Variants in SUSD3 observed in about 807,000 individuals in gnomAD.
SUSD3 encodes the protein sushi domain containing 3, also known as sushi domain-containing protein 3.
Under a neutral mutation model 20.6 loss-of-function variants are expected in SUSD3, and 18 were observed. The ratio of observed to expected loss-of-function variants is 0.87; its 90% CI spans 0.60 to 1.30. The LOEUF (loss-of-function observed/expected upper bound fraction) is 1.30, where lower values mean the gene tolerates loss of function less well. Ranked by LOEUF, SUSD3 falls within the 50% of genes most tolerant of loss-of-function variation. The pLI is 0.00. For missense variants in SUSD3, 306 were observed against 346.9 expected, an observed-to-expected ratio of 0.88 and a Z score of 0.94; for synonymous variants, 137 against 141.5, an observed-to-expected ratio of 0.97 and a Z score of 0.23.
At chr9:93,064,015 G>T (rs189447661) in intron 1 of SUSD3, among the ~76,000 whole-genome samples, 1 of 152,016 alleles carries the variant, frequency 6.6e-6, no homozygotes, top group East Asian at 1.9e-4. Flanking sequence ...GTGTTACCTC[G>T]CTGGCTGGTC....
chr9:93,063,272 C>A (rs893354846), intron 1 of SUSD3, among the ~76,000 whole-genome samples: 1 of 152,186 alleles, frequency 6.6e-6, no homozygotes, highest in Non-Finnish European at 1.5e-5. Context: ...GGGCTCATGT[C>A]CTGGGCTGCT....
In SUSD3 at chr9:93,075,932, G is replaced by A. The variant is rs751061029; in HGVS notation, c.237G>A (p.Gly79=). 5 of 1,612,544 alleles carry A rather than the reference G, an allele frequency of 3.1e-6. No homozygotes were observed. The Admixed American group carries it at 6.7e-5, about 22-fold the overall frequency. Residue 79 remains glycine (G), a synonymous_variant, in exon 2 of 5, where the codon GGG becomes GGA. Coordinates refer to ENST00000375472, the MANE Select transcript of SUSD3 (RefSeq NM_145006.4). The part of the protein sequence containing the change: ...GSGLLTCTWK[G]SIAEWSSGSP... The stretch of plus-strand genomic sequence containing the variant: ...GGCTCCTCACCTGCACCTGGAAGGG[G>A]AGCATCGCTGAGTGGTCTTCAGGGT...
chr9:93,060,803 C>T (rs1825474750), intron 1 of SUSD3, among the ~76,000 whole-genome samples: 1 of 152,200 alleles, frequency 6.6e-6, no homozygotes, highest in South Asian at 2.1e-4. Flanking sequence ...CCTCACTGCA[C>T]TCCACCCTGG....
chr9:93,084,411 T>C (rs1389194111), intron 4 of SUSD3, 126 bp from the exon 5 acceptor site: 1 of 806,558 alleles, frequency 1.2e-6, no homozygotes, highest in Non-Finnish European at 1.9e-6. Context: ...GGAAACGGGC[T>C]CCCCAGTGCT....
chr9:93,074,958 G>T (rs1286081547), intron 1 of SUSD3, among the ~76,000 whole-genome samples: 1 of 152,124 alleles, frequency 6.6e-6, no homozygotes, highest in African/African-American at 2.4e-5. Flanking sequence ...GCAACATAGG[G>T]TGCTTATTGC....
chr9:93,077,960 G>A lies in SUSD3; in HGVS notation c.392G>A (p.Cys131Tyr). The change falls in exon 3 of 5, where the codon TGC (cysteine) becomes TAC (tyrosine). Residue 131 changes from cysteine (C) to tyrosine (Y), a missense_variant. Physicochemically the swap from Cys to Tyr is radical, Grantham distance 194 (BLOSUM62 -2). Coordinates refer to ENST00000375472, the MANE Select transcript of SUSD3 (RefSeq NM_145006.4). ...TTCCTCACCTGCTGCCTCCTCAAGTGCGTGAAGAAGAGCAAGCGGCGGCGC... is the reference window on the plus strand; with the variant it reads ...TTCCTCACCTGCTGCCTCCTCAAGTACGTGAAGAAGAGCAAGCGGCGGCGC... Reference protein sequence around the residue: ...MAFLTCCLLKCVKKSKRRRSN... With the variant: ...MAFLTCCLLKYVKKSKRRRSN... The A allele has an allele frequency of 1.2e-6, 2 of 1,614,234 alleles. No homozygotes were observed. The highest frequency in any genetic ancestry group is 1.7e-6 in the Non-Finnish European group (2 of 1,180,046).
chr9:93,071,247 A>G (rs1397078199), intron 1 of SUSD3, among the ~76,000 whole-genome samples: 2 of 152,248 alleles, frequency 1.3e-5, no homozygotes, highest in East Asian at 1.9e-4. Flanking sequence ...AAGTCCCACA[A>G]TAGGCTGCCT....
intron 1 of SUSD3, among the ~76,000 whole-genome samples, chr9:93,072,334 C>T (rs761847341): frequency 6.6e-6 from 1 of 152,204 alleles, no homozygotes; most frequent in Non-Finnish European, 1.5e-5. Flanking sequence ...CTGGGGTCCT[C>T]AGTCATGCAG....
At chr9:93,062,694 G>C (rs897325964) in intron 1 of SUSD3, among the ~76,000 whole-genome samples, 1 of 152,162 alleles carries the variant, frequency 6.6e-6, no homozygotes, top group African/African-American at 2.4e-5. Context: ...GAGGGGCTCA[G>C]GAGGTCAGTG....
chr9:93,069,900 C>G (rs1480276655), intron 1 of SUSD3, among the ~76,000 whole-genome samples: 1 of 152,072 alleles, frequency 6.6e-6, no homozygotes, highest in Admixed American at 6.5e-5. Flanking sequence ...CTGCCTCAGC[C>G]TCCCAAGTAG....
chr9:93,064,412 C>T (rs1825630152), intron 1 of SUSD3, among the ~76,000 whole-genome samples: 1 of 152,152 alleles, frequency 6.6e-6, no homozygotes, highest in African/African-American at 2.4e-5. Flanking sequence ...TCTGGGGATG[C>T]TGGGAAGGGG....
chr9:93,084,676 A>G lies in SUSD3; in HGVS notation c.697A>G (p.Arg233Gly). Reference protein sequence around the residue: ...AQVMVHMANPRQPLPASGLAT... With the variant: ...AQVMVHMANPGQPLPASGLAT... ...GGTGATGGTGCACATGGCAAACCCC[A>G]GACAGCCCCTGCCTGCCTCTGGGCT... Residue 233 changes from arginine to glycine, a missense_variant, in exon 5 of 5, where the codon AGA becomes GGA. Arg to Gly is a moderately radical substitution (Grantham distance 125). Transcript: ENST00000375472. 1 of 1,606,134 alleles carries G rather than the reference A, an allele frequency of 6.2e-7. No individual in the cohort carries two copies.
At chr9:93,075,756 C>A in intron 1 of SUSD3, 28 bp from the exon 2 acceptor site, 4 of 539,978 alleles carry the variant, frequency 7.4e-6, no homozygotes, top group Non-Finnish European at 9.0e-6. Flanking sequence ...CCCCCCCCGC[C>A]ATGCCTCATA....
At chr9:93,071,193 A>T (rs1184237510) in intron 1 of SUSD3, among the ~76,000 whole-genome samples, 1 of 152,182 alleles carries the variant, frequency 6.6e-6, no homozygotes, top group Non-Finnish European at 1.5e-5. Flanking sequence ...GTATATATAA[A>T]GGGGAGTTTA....
chr9:93,069,833 G>A (rs374708126), intron 1 of SUSD3, among the ~76,000 whole-genome samples: 1 of 151,400 alleles, frequency 6.6e-6, no homozygotes, highest in Admixed American at 6.6e-5. Context: ...AGGCTGGAGT[G>A]CAGTGGTACG....
intron 1 of SUSD3, among the ~76,000 whole-genome samples, chr9:93,072,167 C>A (rs1177999968): frequency 6.6e-6 from 1 of 152,142 alleles, no homozygotes; most frequent in African/African-American, 2.4e-5. Context: ...AAACCATAAG[C>A]CCCTCCCACC....
intron 1 of SUSD3, among the ~76,000 whole-genome samples, chr9:93,068,748 G>A (rs1343183926): frequency 6.6e-6 from 1 of 152,198 alleles, no homozygotes; most frequent in Non-Finnish European, 1.5e-5. Flanking sequence ...CTGTATATCA[G>A]TTTGGAGAAT....
chr9:93,064,860 C>T (rs955744748), intron 1 of SUSD3, among the ~76,000 whole-genome samples: 7 of 152,186 alleles, frequency 4.6e-5, no homozygotes, highest in Admixed American at 6.5e-5. Flanking sequence ...CTGGAAAGGC[C>T]GGGCCTACCC....
intron 4 of SUSD3, among the ~76,000 whole-genome samples, chr9:93,084,176 T>C (rs1826544123): frequency 6.6e-6 from 1 of 152,108 alleles, no homozygotes; most frequent in African/African-American, 2.4e-5. Flanking sequence ...ATCCCTTCTC[T>C]GCCTGGGACA....
Sources: gnomAD v4.1 joint callset for allele counts (sites outside exome capture counted in the v4.1 genomes callset) on GRCh38, gnomAD v4.1.1 for gene constraint, MANE v1.5 for transcripts, NCBI Gene and HGNC (gene_info 2026-07-23, HGNC 2026-07-21) for gene names.